The following LNX1 variants were observed in gnomAD, a reference collection of about 807,000 sequenced individuals.
The protein encoded by LNX1 is E3 ubiquitin-protein ligase LNX.
A neutral mutation model predicts 68.4 loss-of-function variants in LNX1; 54 were observed. The ratio of observed to expected loss-of-function variants is 0.79; its 90% confidence interval spans 0.63 to 0.99. The LOEUF is 0.99. Ranked by LOEUF, LNX1 falls within the 50% of genes least tolerant of loss-of-function variation. LNX1 has a pLI of 0.00. For missense variants in LNX1, 906 were observed against 926.4 expected (o/e 0.98, Z 0.29); for synonymous variants, 336 against 350.0 (o/e 0.96, Z 0.45).
chr4:53,534,875 T>A (rs866238237), intron 2 of LNX1, among the ~76,000 whole-genome samples: 1 of 151,912 alleles, frequency 6.6e-6, no homozygotes. Context: ...CCCATAGTAA[T>A]GGTTGACCTG....
intron 4 of LNX1, among the ~76,000 whole-genome samples, chr4:53,503,026 G>T (rs1725618937): frequency 6.6e-6 from 1 of 151,570 alleles, no homozygotes; most frequent in African/African-American, 2.4e-5. Flanking sequence ...CGCCTCCCAG[G>T]TTCACATCAT....
chr4:53,614,607 G>A (rs1375330507), intron 2 of LNX1, among the ~76,000 whole-genome samples: 1 of 152,150 alleles, frequency 6.6e-6, no homozygotes, highest in African/African-American at 2.4e-5. Flanking sequence ...TGCTCTTAAG[G>A]TCATAGGTCT....
intron 2 of LNX1, among the ~76,000 whole-genome samples, chr4:53,520,141 A>G (rs1727107461): frequency 6.6e-6 from 1 of 152,214 alleles, no homozygotes; most frequent in African/African-American, 2.4e-5. Context: ...TCTGGTACTA[A>G]GATGGGTGTC....
upstream of LNX1, among the ~76,000 whole-genome samples, chr4:53,619,690 C>T (rs753279777): frequency 2.6e-5 from 4 of 152,178 alleles, no homozygotes; most frequent in Admixed American, 6.5e-5. Flanking sequence ...AAAGTTTTCA[C>T]AAGAACCAAT....
upstream of LNX1, among the ~76,000 whole-genome samples, chr4:53,620,335 C>T (rs1733820842): frequency 1.3e-5 from 2 of 152,322 alleles, no homozygotes; most frequent in South Asian, 4.1e-4. Context: ...TGCAAACTCT[C>T]AAGCCCTGAC....
intron 1 of LNX1, among the ~76,000 whole-genome samples, chr4:53,623,397 A>C (rs1733957108): frequency 6.6e-6 from 1 of 151,414 alleles, no homozygotes; most frequent in East Asian, 1.9e-4. Context: ...ATGCCTGGCT[A>C]ATTTTTTTGT....
chr4:53,461,286 T>G (rs1166492887), intron 10 of LNX1, 149 bp downstream of exon 10: 2 of 706,408 alleles, frequency 2.8e-6, no homozygotes, highest in Admixed American at 6.0e-5. Context: ...GTGTAATTAT[T>G]TTGGATTTCT....
intron 1 of LNX1, among the ~76,000 whole-genome samples, chr4:53,578,362 T>TA (rs747863614): frequency 1.3e-5 from 2 of 152,240 alleles, no homozygotes; most frequent in South Asian, 4.1e-4. Flanking sequence ...TAGCTGACTA[T>TA]ACACCATATA....
chr4:53,526,928 T>G (rs1727649198), intron 2 of LNX1, among the ~76,000 whole-genome samples: 1 of 151,954 alleles, frequency 6.6e-6, no homozygotes, highest in Admixed American at 6.6e-5. Context: ...TAATTCTTCT[T>G]TGTAAGAGAC....
chr4:53,508,404 G>T, intron 2 of LNX1, 177 bp from the exon 3 acceptor site: 1 of 734,926 alleles, frequency 1.4e-6, no homozygotes, highest in Non-Finnish European at 2.1e-6. Flanking sequence ...ATATACATTT[G>T]CCAACCAAGT....
intron 1 of LNX1, among the ~76,000 whole-genome samples, chr4:53,633,714 A>T (rs1190305972): frequency 1.3e-5 from 2 of 152,196 alleles, no homozygotes; most frequent in Non-Finnish European, 2.9e-5. Context: ...AGTGTTTGAC[A>T]TGAGCGCCCT....
In LNX1 at chr4:53,496,142, C is replaced by G; in HGVS notation, c.1231G>C (p.Val411Leu). Residue 411 changes from valine (V) to leucine (L), a missense_variant, in exon 6 of 11, where the codon GTG becomes CTG. Physicochemically the swap from Val to Leu is conservative, Grantham distance 32. Transcript: ENST00000263925. ...VDEPGVFIFN[V>L]LDGGVAYRHG... is the part of the protein sequence containing the mutation. Reference sequence around the variant, plus strand: ...CGATATGCCACACCGCCATCCAGCACATTGAAGATGAAAACCCCAGGCTCA... The same window carrying G: ...CGATATGCCACACCGCCATCCAGCAGATTGAAGATGAAAACCCCAGGCTCA... 1 of 1,614,178 alleles carries G rather than the reference C, an allele frequency of 6.2e-7. No individual in the cohort carries two copies. Among genetic ancestry groups the G allele is most frequent in the Non-Finnish European group, 8.5e-7 (1 of 1,180,026 alleles).
intron 2 of LNX1, among the ~76,000 whole-genome samples, chr4:53,512,486 T>TTG (rs71662236): frequency 2.2e-3 from 74 of 32,916 alleles, no homozygotes; most frequent in Admixed American, 6.8e-3. Flanking sequence ...TACCCAGTGT[T>TTG]TGTGTGTGTG....
At position 53,576,132 on chromosome 4, in the gene LNX1, T is replaced by C. The variant is rs141528394; in HGVS notation, c.-86-2044A>G. 6.8e-4 allele frequency: 1,057 copies of C among 1,560,786 alleles called. 13 individuals are homozygous for C. The African/African-American group carries it at 0.013, about 19-fold the overall frequency. On this transcript the variant is annotated intron_variant, in intron 1 of 10. Transcript: ENST00000263925. ...GGAGCCAGCGGCCCCTCCTTGATTC[T>C]GTGGCCCAGCAGCAGGGGGCCTGGC...
At chr4:53,529,687 G>C (rs1252392245) in intron 2 of LNX1, among the ~76,000 whole-genome samples, 2 of 152,192 alleles carry the variant, frequency 1.3e-5, no homozygotes, top group East Asian at 3.8e-4. Flanking sequence ...TCAGGAGGAG[G>C]TGTACAAGCT....
At chr4:53,620,379 G>A (rs937756124), upstream of LNX1, among the ~76,000 whole-genome samples, 5 of 152,192 alleles carry the variant, frequency 3.3e-5, no homozygotes, top group African/African-American at 1.2e-4. Context: ...CTGGGAGTGG[G>A]ATCCACCAAT....
At chr4:53,600,050 C>T (rs1222725742) in intron 2 of LNX1, among the ~76,000 whole-genome samples, 2 of 152,140 alleles carry the variant, frequency 1.3e-5, no homozygotes, top group Admixed American at 1.3e-4. Context: ...AAAAAGGCCC[C>T]TCTCCCCAAT....
intron 2 of LNX1, among the ~76,000 whole-genome samples, chr4:53,550,638 C>T (rs1426155473): frequency 2.0e-5 from 3 of 152,180 alleles, no homozygotes; most frequent in Non-Finnish European, 4.4e-5. Flanking sequence ...CTGTATTCCA[C>T]TCACTCCCGA....
intron 1 of LNX1, among the ~76,000 whole-genome samples, chr4:53,626,977 T>C (rs1484239677): frequency 6.6e-6 from 1 of 152,178 alleles, no homozygotes; most frequent in African/African-American, 2.4e-5. Flanking sequence ...TGACAAAATG[T>C]ATTATAAAGA....
Sources: allele counts gnomAD v4.1 joint callset (sites outside exome capture counted in the v4.1 genomes callset), GRCh38; gene constraint gnomAD v4.1.1; transcripts MANE v1.5; gene names NCBI Gene and HGNC (gene_info 2026-07-23, HGNC 2026-07-21).